The following TPRG1 variants were observed in gnomAD, a reference collection of about 807,000 sequenced individuals.
TPRG1 encodes the protein tumor protein p63-regulated gene 1 protein.
In TPRG1, 29 loss-of-function variants were observed where a neutral mutation model predicts 29.3. That is an observed-to-expected ratio of 0.99 (90% CI 0.74 to 1.35). TPRG1 has a LOEUF of 1.35. Ranked by LOEUF, TPRG1 falls within the 40% of genes most tolerant of loss-of-function variation. The pLI is 0.00. For missense variants in TPRG1, 327 were observed against 335.0 expected, an observed-to-expected ratio of 0.98 and a Z score of 0.19; for synonymous variants, 130 against 116.8, an observed-to-expected ratio of 1.11 and a Z score of -0.73.
chr3:189,178,570 C>G (rs938136882), intron 1 of TPRG1, among the ~76,000 whole-genome samples: 3 of 152,162 alleles, frequency 2.0e-5, no homozygotes, highest in African/African-American at 7.2e-5. Context: ...GATTGATGTA[C>G]ATAGGCAGAA....
chr3:189,104,528 G>A (rs911605086), intron 1 of TPRG1, among the ~76,000 whole-genome samples: 1 of 152,024 alleles, frequency 6.6e-6, no homozygotes, highest in Non-Finnish European at 1.5e-5. Context: ...ACTTGGCTCA[G>A]TCTGAGTTGG....
intron 5 of TPRG1, among the ~76,000 whole-genome samples, chr3:189,319,413 A>T (rs1724034032): frequency 6.6e-6 from 1 of 152,052 alleles, no homozygotes; most frequent in East Asian, 1.9e-4. Flanking sequence ...CAACTCAATA[A>T]TAATATCGCT....
At chr3:189,253,191 C>T (rs1742552506) in intron 4 of TPRG1, among the ~76,000 whole-genome samples, 1 of 152,132 alleles carries the variant, frequency 6.6e-6, no homozygotes, top group South Asian at 2.1e-4. Flanking sequence ...GCTATCCCTC[C>T]TCAGGCCCCT....
chr3:189,053,801 C>A (rs1038484282), intron 4 of TPRG1, among the ~76,000 whole-genome samples: 1 of 152,172 alleles, frequency 6.6e-6, no homozygotes, highest in Admixed American at 6.5e-5. Flanking sequence ...AGGACCTAGA[C>A]TGGACCCTTG....
intron 4 of TPRG1, among the ~76,000 whole-genome samples, chr3:189,046,138 GAAACCAAGGAAA>G (rs1375216386): frequency 2.0e-5 from 3 of 152,194 alleles, no homozygotes; most frequent in African/African-American, 7.2e-5. Flanking sequence ...GAAGTTGGGG[GAAACCAAGGAAA>G]AACCCAATCG....
At chr3:189,169,816 G>A (rs1728597087), upstream of TPRG1, among the ~76,000 whole-genome samples, 2 of 152,162 alleles carry the variant, frequency 1.3e-5, no homozygotes. Context: ...ATCAAGGCTT[G>A]GGGAAAACTA....
chr3:189,008,680 A>G (rs1183844264), intron 3 of TPRG1, among the ~76,000 whole-genome samples: 1 of 152,018 alleles, frequency 6.6e-6, no homozygotes, highest in African/African-American at 2.4e-5. Context: ...TGGGATTATT[A>G]ATTTGGGTTT....
rs188013312 is a variant in TPRG1, at chr3:189,150,339, C to T, written c.-226-317C>T. Reference sequence around the variant, plus strand: ...CTGGGATTATAGGTGTGCACTACCACGCCGAGCAAATTTTTGTATTTTTAG... The same window carrying T: ...CTGGGATTATAGGTGTGCACTACCATGCCGAGCAAATTTTTGTATTTTTAG... On this transcript the variant is annotated intron_variant, in intron 4 of 6. Transcript: ENST00000412373. Among the ~76,000 whole-genome samples the T allele has an allele frequency of 2.8e-4, 43 of 152,284 alleles. 1 individual carries two copies. Among genetic ancestry groups the T allele is most frequent in the East Asian group, 1.7e-3 (9 of 5,172 alleles).
At chr3:189,185,247 ACT>A (rs1336668544) in intron 1 of TPRG1, among the ~76,000 whole-genome samples, 2 of 151,190 alleles carry the variant, frequency 1.3e-5, no homozygotes, top group Admixed American at 1.3e-4. Context: ...ACCTGATCTC[ACT>A]CAGTTACCCA....
At chr3:189,093,194 G>A (rs868588191) in intron 4 of TPRG1, among the ~76,000 whole-genome samples, 8 of 152,216 alleles carry the variant, frequency 5.3e-5, no homozygotes, top group Non-Finnish European at 8.8e-5. Flanking sequence ...AGGAGAGAGC[G>A]TCAATAAAGA....
At chr3:189,076,942 A>ATATATATATATATATATATATATATATG (rs199941065) in intron 4 of TPRG1, among the ~76,000 whole-genome samples, 6 of 151,210 alleles carry the variant, frequency 4.0e-5, no homozygotes, top group South Asian at 2.1e-4. Context: ...ATATATATAT[A>ATATATATATATATATATATATATATATG]GCCAATAAGC....
chr3:189,215,306 G>A lies in TPRG1; in HGVS notation c.225G>A (p.Glu75=). The stretch of plus-strand genomic sequence containing the variant: ...TTTCCACACAGCCGGGGGCCATTGA[G>A]ACTGCCATGGAAGACTTGAAAGGTC... ...KYFATRPGAI[E]TAMEDLKGHV... is the part of the protein sequence containing the mutation. Residue 75 remains glutamate (E), a synonymous_variant, in exon 3 of 6, where the codon GAG becomes GAA. Transcript: ENST00000345063. 1.9e-6 allele frequency: 3 copies of A among 1,612,402 alleles called. No individual in the cohort carries two copies. The highest frequency in any genetic ancestry group is 2.5e-6 in the Non-Finnish European group (3 of 1,179,304).
chr3:189,201,039 T>G (rs550540895), intron 1 of TPRG1, among the ~76,000 whole-genome samples: 33 of 152,314 alleles, frequency 2.2e-4, no homozygotes, highest in Middle Eastern at 3.4e-3. Flanking sequence ...TTGTCCCCTT[T>G]GGAAGGTACA....
intron 5 of TPRG1, among the ~76,000 whole-genome samples, chr3:189,313,853 A>C (rs773308671): frequency 2.0e-5 from 3 of 152,164 alleles, no homozygotes; most frequent in Non-Finnish European, 2.9e-5. Context: ...AGCAAAAAGG[A>C]GTAGAGGTAC....
chr3:189,187,419 G>C (rs1179366771), intron 1 of TPRG1, among the ~76,000 whole-genome samples: 2 of 151,776 alleles, frequency 1.3e-5, no homozygotes, highest in African/African-American at 4.8e-5. Context: ...CGATTCTTCT[G>C]CCTCAGCATC....
At chr3:189,173,021 C>G (rs963146373) in intron 1 of TPRG1, among the ~76,000 whole-genome samples, 4 of 152,228 alleles carry the variant, frequency 2.6e-5, no homozygotes, top group Admixed American at 2.0e-4. Flanking sequence ...AATTTCCTCT[C>G]TTGTGACAGC....
intron 5 of TPRG1, among the ~76,000 whole-genome samples, chr3:189,161,994 C>CT (rs1366491493): frequency 6.6e-6 from 1 of 151,544 alleles, no homozygotes; most frequent in East Asian, 1.9e-4. Flanking sequence ...CGGGACCATT[C>CT]TTTTTTTTCT....
intron 3 of TPRG1, among the ~76,000 whole-genome samples, chr3:189,133,003 T>A: frequency 6.6e-6 from 1 of 152,204 alleles, no homozygotes; most frequent in East Asian, 1.9e-4. Flanking sequence ...CGGAAATATG[T>A]ACTGAAAACA....
chr3:189,173,183 C>G (rs1208125464), intron 1 of TPRG1, among the ~76,000 whole-genome samples: 2 of 151,670 alleles, frequency 1.3e-5, no homozygotes, highest in South Asian at 4.2e-4. Context: ...AATGTTTCCT[C>G]TGTGTGTGTG....
Sources: gnomAD v4.1 joint callset for allele counts (sites outside exome capture counted in the v4.1 genomes callset) on GRCh38, gnomAD v4.1.1 for gene constraint, MANE v1.5 for transcripts, NCBI Gene and HGNC (gene_info 2026-07-23, HGNC 2026-07-21) for gene names.